ZNF233: variants seen among roughly 807,000 people sequenced by gnomAD.
ZNF233 encodes zinc finger protein 233.
ZNF233 carries 7 observed loss-of-function variants against 11.6 expected under a neutral mutation model. That is an observed-to-expected ratio of 0.60 (90% CI 0.34 to 1.13). The LOEUF (loss-of-function observed/expected upper bound fraction) is 1.13, where lower values mean the gene tolerates loss of function less well. ZNF233 is among the 50% of genes most tolerant of loss of function. The pLI is 0.03. For missense variants in ZNF233, 711 were observed against 785.5 expected (o/e 0.91, Z 1.13); for synonymous variants, 226 against 268.5 (o/e 0.84, Z 1.55).
intron 2 of ZNF233, among the ~76,000 whole-genome samples, chr19:44,264,579 A>G (rs932207015): frequency 6.6e-6 from 1 of 152,044 alleles, no homozygotes; most frequent in Non-Finnish European, 1.5e-5. Flanking sequence ...TCTTTATTTC[A>G]CAAGTAGTAG....
rs767747731 is a variant in ZNF233 at position 44,272,924 on chromosome 19, T to C, written c.264T>C (p.Asp88=). The C allele has an allele frequency of 5.6e-6, 9 of 1,595,372 alleles. No homozygotes were observed. The highest frequency in any genetic ancestry group is 7.7e-6 in the Non-Finnish European group (9 of 1,174,078). Residue 88 remains aspartate, a synonymous_variant, in exon 5 of 5, where the codon GAT becomes GAC. Transcript: ENST00000683810. The part of the protein sequence containing the change: ...CSGHKNQNEI[D]TLQEVRLRFL... ...GACACAAGAATCAAAATGAGATAGA[T>C]ACCCTTCAAGAAGTAAGATTAAGAT...
chr19:44,274,616 G>A lies in ZNF233; in HGVS notation c.1956G>A (p.Val652=), dbSNP rs1024568460. The A allele has an allele frequency of 1.3e-5, 21 of 1,608,500 alleles. No homozygotes were observed. The highest frequency in any genetic ancestry group is 1.7e-5 in the Non-Finnish European group (20 of 1,179,370). Reference sequence around the variant, plus strand: ...GAGAGAAACCATACAAATGTTTTGTGTGTGGTAAGGGCTTTAGTAAGAGTT... The same window carrying A: ...GAGAGAAACCATACAAATGTTTTGTATGTGGTAAGGGCTTTAGTAAGAGTT... ...HTGEKPYKCF[V]CGKGFSKSSL... Residue 652 remains valine (V), a synonymous_variant, in exon 5 of 5, where the codon GTG becomes GTA. Transcript: ENST00000683810.
At chr19:44,269,059 C>T (rs1332368950) in intron 4 of ZNF233, among the ~76,000 whole-genome samples, 1 of 152,114 alleles carries the variant, frequency 6.6e-6, no homozygotes, top group African/African-American at 2.4e-5. Flanking sequence ...CTTGTATCTC[C>T]ATGCTCCATG....
At position 44,271,614 on chromosome 19, in the gene ZNF233, A is replaced by G. The variant is rs146756807; in HGVS notation, c.239-1285A>G. Among the ~76,000 whole-genome samples the G allele has an allele frequency of 5.9e-3, 895 of 151,324 alleles. 63 individuals carry two copies. The East Asian group carries it at 0.15, about 25-fold the overall frequency. On this transcript the variant is annotated intron_variant, in intron 4 of 4. Coordinates refer to ENST00000683810, the MANE Select transcript of ZNF233 (RefSeq NM_001207005.2). ...AAGCTCTGCCTCCTGGGTTCACACCATTCTCCTGCCTTGGCCTCCCGAGTA... is the reference window on the plus strand; with the variant it reads ...AAGCTCTGCCTCCTGGGTTCACACCGTTCTCCTGCCTTGGCCTCCCGAGTA...
chr19:44,261,049 AAAC>A (rs1974922463), intron 1 of ZNF233, among the ~76,000 whole-genome samples: 1 of 152,182 alleles, frequency 6.6e-6, no homozygotes, highest in Non-Finnish European at 1.5e-5. Context: ...TCCCAAAGTA[AAAC>A]AACAGGAAAG....
chr19:44,261,508 A>G (rs1444661240), intron 1 of ZNF233, among the ~76,000 whole-genome samples: 1 of 152,118 alleles, frequency 6.6e-6, no homozygotes, highest in Non-Finnish European at 1.5e-5. Flanking sequence ...TAATAAAAAA[A>G]ATTTTTTTAA....
Position 44,273,896 on chromosome 19 carries a change from A to C in ZNF233, c.1236A>C (p.Gln412His), listed in dbSNP as rs763162341. Residue 412 changes from glutamine (Q) to histidine (H), a missense_variant, in exon 5 of 5, where the codon CAA (glutamine) becomes CAC (histidine). By Grantham distance (24) the Gln-to-His change is conservative (BLOSUM62 0). Coordinates refer to ENST00000683810, the MANE Select transcript of ZNF233 (RefSeq NM_001207005.2). ...VYDKGFSQTS[Q>H]LQAHQRGHSR... is the part of the protein sequence containing the mutation. ...ATAAAGGCTTCAGTCAGACATCACA[A>C]CTTCAAGCCCATCAGAGAGGTCACT... 3 of 1,614,224 alleles carry C rather than the reference A, an allele frequency of 1.9e-6. No individual in the cohort carries two copies. The highest frequency in any genetic ancestry group is 2.5e-6 in the Non-Finnish European group (3 of 1,180,036).
At chr19:44,271,792 G>C (rs1242787994) in intron 4 of ZNF233, among the ~76,000 whole-genome samples, 1 of 151,988 alleles carries the variant, frequency 6.6e-6, no homozygotes, top group African/African-American at 2.4e-5. Flanking sequence ...TTACAGGTGA[G>C]AGCCACCGCA....
At chr19:44,268,801 T>C (rs573228800) in intron 4 of ZNF233, among the ~76,000 whole-genome samples, 1 of 151,912 alleles carries the variant, frequency 6.6e-6, no homozygotes, top group East Asian at 1.9e-4. Flanking sequence ...CTTATTTCAT[T>C]CCCCCTTTTC....
At chr19:44,266,161 G>C (rs764768269) in intron 2 of ZNF233, 37 bp from the exon 3 acceptor site, 11 of 1,578,940 alleles carry the variant, frequency 7.0e-6, no homozygotes, top group Non-Finnish European at 9.5e-6. Context: ...GCAGTTATTG[G>C]CCATAAGATT....
intron 4 of ZNF233, among the ~76,000 whole-genome samples, chr19:44,270,346 T>TAAAAAAA (rs398034740): frequency 2.7e-5 from 2 of 72,728 alleles, no homozygotes; most frequent in African/African-American, 1.2e-4. Flanking sequence ...CCATCTATAC[T>TAAAAAAA]AAAAAAAAAA....
intron 4 of ZNF233, among the ~76,000 whole-genome samples, 164 bp from the exon 5 acceptor site, chr19:44,272,735 A>C (rs1037831273): frequency 6.6e-6 from 1 of 152,106 alleles, no homozygotes; most frequent in Admixed American, 6.5e-5. Context: ...ACTCCGTCTC[A>C]AAAAACAAAA....
At chr19:44,264,527 G>T in intron 2 of ZNF233, 152 bp downstream of exon 2, 1 of 678,626 alleles carries the variant, frequency 1.5e-6, no homozygotes. Flanking sequence ...TCAATTTTTT[G>T]TTTATGTCTT....
intron 4 of ZNF233, among the ~76,000 whole-genome samples, chr19:44,270,999 A>C (rs1382969959): frequency 1.3e-5 from 2 of 152,208 alleles, no homozygotes; most frequent in Non-Finnish European, 2.9e-5. Flanking sequence ...ACTGGGGACC[A>C]TCTTGTATTA....
chr19:44,267,567 A>C (rs1158593768), intron 4 of ZNF233: 2 of 390,232 alleles, frequency 5.1e-6, no homozygotes, highest in African/African-American at 4.2e-5. Flanking sequence ...TTTTTGGTAG[A>C]GATGAGGTCT....
Position 44,274,111 on chromosome 19 carries a change from T to C in ZNF233, c.1451T>C (p.Val484Ala). Residue 484 changes from valine (V) to alanine (A), a missense_variant, in exon 5 of 5, where the codon GTG (valine) becomes GCG (alanine). Coordinates refer to ENST00000683810, the MANE Select transcript of ZNF233 (RefSeq NM_001207005.2). ...GGAGAGAAACCCTACAAATGTGATGTGTGTGATAAGAACTTCAGCCGTAAT... is the reference window on the plus strand; with the variant it reads ...GGAGAGAAACCCTACAAATGTGATGCGTGTGATAAGAACTTCAGCCGTAAT... ...HTGEKPYKCDVCDKNFSRNSH... is the reference protein window; with the variant it reads ...HTGEKPYKCDACDKNFSRNSH... The C allele has an allele frequency of 6.2e-7, 1 of 1,613,216 alleles. No homozygotes were observed. The highest frequency in any genetic ancestry group is 8.5e-7 in the Non-Finnish European group (1 of 1,179,764).
chr19:44,267,425 C>T, intron 4 of ZNF233: 2 of 397,188 alleles, frequency 5.0e-6, no homozygotes, highest in Admixed American at 4.4e-5. Flanking sequence ...AATCATGGTA[C>T]ACTGCAGCCT....
In ZNF233 at chr19:44,259,950, C is replaced by T. The variant is rs527279715; in HGVS notation, c.-48+12C>T. On this transcript the variant is annotated intron_variant, in intron 1 of 4. Transcript: ENST00000683810. Reference sequence around the variant, plus strand: ...ATCCCCTCTGGGAGGTGAGTCAGCGCGGAACCTCTGCATCTACGGCGAGCT... The same window carrying T: ...ATCCCCTCTGGGAGGTGAGTCAGCGTGGAACCTCTGCATCTACGGCGAGCT... 1.5e-5 allele frequency: 7 copies of T among 455,578 alleles called. No homozygotes were observed. The highest frequency in any genetic ancestry group is 6.2e-5 in the South Asian group (4 of 64,410). The allele number at this position is 455,578 out of a possible 1,614,324, so 28.2% of individuals were successfully genotyped here.
At position 44,273,165 on chromosome 19, in the gene ZNF233, A is replaced by G; in HGVS notation, c.505A>G (p.Ile169Val). 1.9e-6 allele frequency: 3 copies of G among 1,613,958 alleles called. No individual in the cohort carries two copies. Among genetic ancestry groups the G allele is most frequent in the East Asian group, 2.2e-5 (1 of 44,874 alleles). ...IKLQGESSNS[I>V]KNQELPLRTT... ...GCTACAAGGGGAGAGTTCAAATAGC[A>G]TAAAAAATCAAGAGCTTCCATTGAG... is the stretch of plus-strand genomic sequence containing the variant. The change falls in exon 5 of 5, where the codon ATA (isoleucine) becomes GTA (valine). Residue 169 changes from isoleucine (I) to valine (V), a missense_variant. Coordinates refer to ENST00000683810, the MANE Select transcript of ZNF233 (RefSeq NM_001207005.2).
Sources: allele counts gnomAD v4.1 joint callset (sites outside exome capture counted in the v4.1 genomes callset), GRCh38; gene constraint gnomAD v4.1.1; transcripts MANE v1.5; gene names NCBI Gene and HGNC (gene_info 2026-07-23, HGNC 2026-07-21).